Variants in SVOPL observed in about 807,000 individuals in gnomAD.
SVOPL encodes putative transporter SVOPL.
Under a neutral mutation model 61.0 loss-of-function variants are expected in SVOPL, and 60 were observed. The observed-to-expected ratio is 0.98, with a 90% CI of 0.80 to 1.22. The LOEUF (loss-of-function observed/expected upper bound fraction) is 1.22, where lower values mean the gene tolerates loss of function less well. Ranked by LOEUF, SVOPL falls within the 50% of genes most tolerant of loss-of-function variation. SVOPL has a pLI of 0.00. For synonymous variants in SVOPL, 279 were observed against 250.0 expected (o/e 1.12, Z -1.09); for missense variants, 662 against 643.9 (o/e 1.03, Z -0.30).
chr7:138,637,469 G>T (rs192071070), intron 9 of SVOPL, among the ~76,000 whole-genome samples: 10,540 of 28,860 alleles, frequency 0.37, 1,384 homozygotes, highest in African/African-American at 0.53. Context: ...TATATATATA[G>T]ATATAGATAT....
intron 7 of SVOPL, among the ~76,000 whole-genome samples, chr7:138,654,871 T>C (rs1801641367): frequency 8.1e-6 from 1 of 123,734 alleles, no homozygotes; most frequent in East Asian, 3.7e-4. Flanking sequence ...TCACTTCCTT[T>C]TTTTTTTTTT....
chr7:138,664,189 TC>T, intron 4 of SVOPL: 1 of 306,624 alleles, frequency 3.3e-6, no homozygotes, highest in Non-Finnish European at 3.9e-6. Context: ...TACCCTGCCC[TC>T]CCCCTCCCCC....
intron 1 of SVOPL, among the ~76,000 whole-genome samples, chr7:138,695,314 C>T (rs1235147458): frequency 6.6e-6 from 1 of 152,146 alleles, no homozygotes; most frequent in Non-Finnish European, 1.5e-5. Flanking sequence ...GGGTTCAAGA[C>T]TAGCCTGGGC....
intron 2 of SVOPL, 100 bp downstream of exon 2, chr7:138,678,864 C>T: frequency 1.6e-6 from 2 of 1,245,750 alleles, no homozygotes; most frequent in African/African-American, 3.0e-5. Flanking sequence ...GCCACCATGC[C>T]TGGCTGCTTC....
chr7:138,599,141 C>CAAAAAAAAAAAA (rs71520007), intron 14 of SVOPL, among the ~76,000 whole-genome samples: 3 of 28,158 alleles, frequency 1.1e-4, no homozygotes, highest in African/African-American at 9.8e-4. Flanking sequence ...GATCCGTCTC[C>CAAAAAAAAAAAA]AAAAAAAAAA....
At chr7:138,620,583 C>T (rs546164166) in intron 14 of SVOPL, among the ~76,000 whole-genome samples, 8 of 152,062 alleles carry the variant, frequency 5.3e-5, no homozygotes, top group African/African-American at 1.7e-4. Context: ...CTCCAAGTCA[C>T]CCTGGATTTT....
chr7:138,684,605 C>T (rs1802765230), intron 1 of SVOPL, among the ~76,000 whole-genome samples: 1 of 152,144 alleles, frequency 6.6e-6, no homozygotes, highest in East Asian at 1.9e-4. Context: ...ATCAAAAGGT[C>T]AAGAGAGAGA....
At chr7:138,644,655 A>G in intron 9 of SVOPL, 62 bp downstream of exon 9, 1 of 1,589,990 alleles carries the variant, frequency 6.3e-7, no homozygotes, top group Non-Finnish European at 8.6e-7. Flanking sequence ...AGCCTTCCAC[A>G]ACTGAGGGGA....
At chr7:138,622,492 G>T (rs994239201) in intron 13 of SVOPL, among the ~76,000 whole-genome samples, 27 of 108,180 alleles carry the variant, frequency 2.5e-4, no homozygotes, top group African/African-American at 6.9e-4. Flanking sequence ...GCAGCGGCGG[G>T]CGGGGGGTCT....
At chr7:138,664,759 C>G (rs898771836) in intron 4 of SVOPL, among the ~76,000 whole-genome samples, 4 of 146,568 alleles carry the variant, frequency 2.7e-5, no homozygotes, top group Admixed American at 1.4e-4. Flanking sequence ...GCCCTTCCCC[C>G]CTCCCCCGCA....
chr7:138,639,768 G>A (rs2116972410), intron 9 of SVOPL, among the ~76,000 whole-genome samples: 1 of 152,296 alleles, frequency 6.6e-6, no homozygotes, highest in Non-Finnish European at 1.5e-5. Flanking sequence ...CAGTACAGCA[G>A]TGCGATCATA....
At chr7:138,646,507 TTTG>T (rs72385950) in intron 8 of SVOPL, 27,469 of 154,044 alleles carry the variant, frequency 0.18, 4,213 homozygotes, top group African/African-American at 0.4. Flanking sequence ...TGTGTTGGTT[TTTG>T]TTGTTGTTGG....
chr7:138,694,818 A>C (rs1803031776), intron 1 of SVOPL, among the ~76,000 whole-genome samples: 1 of 151,896 alleles, frequency 6.6e-6, no homozygotes, highest in Non-Finnish European at 1.5e-5. Context: ...GGCTCACTGC[A>C]ACCTCCGCCT....
At chr7:138,694,803 G>C (rs2117146891) in intron 1 of SVOPL, among the ~76,000 whole-genome samples, 1 of 151,420 alleles carries the variant, frequency 6.6e-6, no homozygotes, top group East Asian at 2.0e-4. Flanking sequence ...GAGTGCAATG[G>C]TCTTGGCTCA....
chr7:138,667,316 G>A (rs1316427872), intron 4 of SVOPL, among the ~76,000 whole-genome samples: 4 of 152,264 alleles, frequency 2.6e-5, no homozygotes, highest in East Asian at 3.9e-4. Flanking sequence ...CCTTCAAGAT[G>A]CATATCCTCC....
chr7:138,615,612 T>C lies in SVOPL; in HGVS notation c.1353+5434A>G, dbSNP rs1464593877. ...AAGTTTGAGACCAGCCTGGCCAACA[T>C]GGTAAAATCCCATCTCTACTAAAAA... On this transcript the variant is annotated intron_variant, in intron 14 of 15. Coordinates refer to ENST00000674285, the MANE Select transcript of SVOPL (RefSeq NM_001139456.2). Among the ~76,000 whole-genome samples the C allele has an allele frequency of 3.4e-4, 18 of 53,252 alleles. 5 individuals are homozygous for C. Among genetic ancestry groups the C allele is most frequent in the Admixed American group, 2.9e-3 (12 of 4,112 alleles). The allele number at this position is 53,252 out of a possible 152,430, so 34.9% of individuals were successfully genotyped here. A position where few individuals can be genotyped will look rare whatever the true frequency, so the allele number is the denominator to read the frequency against.
intron 4 of SVOPL, chr7:138,664,226 C>T: frequency 1.0e-6 from 1 of 984,972 alleles, no homozygotes; most frequent in Non-Finnish European, 1.2e-6. Context: ...GACGTCCTGC[C>T]TCCCTCGCGC....
At chr7:138,598,510 G>C (rs1307083542) in intron 14 of SVOPL, among the ~76,000 whole-genome samples, 1 of 152,100 alleles carries the variant, frequency 6.6e-6, no homozygotes, top group Non-Finnish European at 1.5e-5. Context: ...CCCAATAACA[G>C]AATACATCTT....
intron 3 of SVOPL, among the ~76,000 whole-genome samples, chr7:138,676,856 G>T (rs1802573665): frequency 6.6e-6 from 1 of 150,784 alleles, no homozygotes; most frequent in South Asian, 2.1e-4. Flanking sequence ...ACCTGCCAAA[G>T]GTGAATGAAA....
Sources: gnomAD v4.1 joint callset for allele counts (sites outside exome capture counted in the v4.1 genomes callset) on GRCh38, gnomAD v4.1.1 for gene constraint, MANE v1.5 for transcripts, NCBI Gene and HGNC (gene_info 2026-07-23, HGNC 2026-07-21) for gene names.